The following KIAA0232 variants were observed in gnomAD, a reference collection of about 807,000 sequenced individuals.
KIAA0232 encodes KIAA0232.
Under a neutral mutation model 122.0 loss-of-function variants are expected in KIAA0232, and 27 were observed. That is an observed-to-expected ratio of 0.22 (90% CI 0.16 to 0.31). The LOEUF (loss-of-function observed/expected upper bound fraction) is 0.31. Ranked by LOEUF, KIAA0232 falls within the 10% of genes least tolerant of loss-of-function variation. The probability of loss-of-function intolerance (pLI) is 1.00; values close to 1 mark genes in which losing one functional copy is unlikely to be tolerated. For synonymous variants in KIAA0232, 613 were observed against 587.6 expected, an observed-to-expected ratio of 1.04 and a Z score of -0.63; for missense variants, 1,551 against 1,634.2, an observed-to-expected ratio of 0.95 and a Z score of 0.88.
In KIAA0232 at chr4:6,824,397, C is replaced by A; in HGVS notation, c.-57C>A. On this transcript the variant is annotated 5_prime_UTR_variant, in exon 3 of 10. Transcript: ENST00000307659. ...AGTGAAAATCCCCTCCAGATACCAA[C>A]AGAATATCAACTGCAGAAAATGCTT... 7.3e-7 allele frequency: 1 copy of A among 1,372,752 alleles called. No homozygotes were observed. Among genetic ancestry groups the A allele is most frequent in the Non-Finnish European group, 1.0e-6 (1 of 960,300 alleles). The allele number at this position is 1,372,752 out of a possible 1,614,324, so 85.0% of individuals were successfully genotyped here.
intron 6 of KIAA0232, among the ~76,000 whole-genome samples, chr4:6,859,876 T>C (rs1398304483): frequency 6.6e-6 from 1 of 152,208 alleles, no homozygotes; most frequent in Non-Finnish European, 1.5e-5. Context: ...AAATACTTTC[T>C]CATTTTCAAG....
At chr4:6,836,324 G>GT (rs1719265426) in intron 3 of KIAA0232, among the ~76,000 whole-genome samples, 1 of 144,048 alleles carries the variant, frequency 6.9e-6, no homozygotes, top group African/African-American at 2.6e-5. Context: ...TTGTTTGTTT[G>GT]TTTTTTGTTT....
At position 6,811,052 on chromosome 4, in the gene KIAA0232, A is replaced by G. The variant is rs149495986; in HGVS notation, c.-270+6446A>G. On this transcript the variant is annotated intron_variant, in intron 2 of 9. Transcript: ENST00000307659. Reference sequence around the variant, plus strand: ...GGAAAAGAGTATGGCGATTTCTTAAAGAACTGAAAATAGAATGAGCATTCA... The same window carrying G: ...GGAAAAGAGTATGGCGATTTCTTAAGGAACTGAAAATAGAATGAGCATTCA... 2.2e-4 allele frequency among the ~76,000 whole-genome samples: 33 copies of G among 152,374 alleles called. No individual in the cohort carries two copies. In the East Asian group the frequency reaches 6.4e-3, roughly 29 times the overall value.
chr4:6,837,941 G>C lies in KIAA0232; in HGVS notation c.232-4126G>C, dbSNP rs185351085. On this transcript the variant is annotated intron_variant, in intron 3 of 9. Transcript: ENST00000307659. ...GGGGAGGGGGAGGGAGAGGGAGAGG[G>C]AGAGGCAGAGGCGGTTGTTTGTTTT... Among the ~76,000 whole-genome samples, 651 of 152,116 alleles carry C rather than the reference G, an allele frequency of 4.3e-3. 6 individuals carry two copies. Among genetic ancestry groups the C allele is most frequent in the African/African-American group, 0.015 (609 of 41,474 alleles).
chr4:6,792,761 C>T (rs945380736), intron 1 of KIAA0232, among the ~76,000 whole-genome samples: 2 of 147,956 alleles, frequency 1.4e-5, no homozygotes, highest in Non-Finnish European at 3.0e-5. Flanking sequence ...ATCATCTTGG[C>T]TCACTGCAAG....
At chr4:6,818,969 A>G (rs1718281631) in intron 2 of KIAA0232, among the ~76,000 whole-genome samples, 1 of 152,168 alleles carries the variant, frequency 6.6e-6, no homozygotes, top group African/African-American at 2.4e-5. Context: ...AAAAATAAGC[A>G]ACAGGAAAAG....
intron 1 of KIAA0232, among the ~76,000 whole-genome samples, chr4:6,799,037 A>G (rs1042241816): frequency 6.6e-6 from 1 of 152,142 alleles, no homozygotes; most frequent in Non-Finnish European, 1.5e-5. Flanking sequence ...CCAGAAGTCC[A>G]AAATCCAAGT....
chr4:6,837,134 C>T (rs1451979190), intron 3 of KIAA0232, among the ~76,000 whole-genome samples: 4 of 150,004 alleles, frequency 2.7e-5, no homozygotes, highest in African/African-American at 9.9e-5. Context: ...CGGGCGGGGG[C>T]TGCCCCCCAC....
At chr4:6,799,793 C>G (rs1379362182) in intron 1 of KIAA0232, among the ~76,000 whole-genome samples, 1 of 152,012 alleles carries the variant, frequency 6.6e-6, no homozygotes, top group Non-Finnish European at 1.5e-5. Context: ...CTCCTGGGTT[C>G]AAGCGATTCT....
At chr4:6,827,355 A>C (rs1351270536) in intron 3 of KIAA0232, among the ~76,000 whole-genome samples, 1 of 152,200 alleles carries the variant, frequency 6.6e-6, no homozygotes, top group Non-Finnish European at 1.5e-5. Context: ...TCTTCTAGCA[A>C]GAGTAAGGAG....
intron 7 of KIAA0232, among the ~76,000 whole-genome samples, chr4:6,869,077 C>T (rs1310418416): frequency 2.0e-5 from 3 of 152,106 alleles, no homozygotes; most frequent in African/African-American, 2.4e-5. Flanking sequence ...AAGACGTGGT[C>T]CCGCCCCTCA....
At chr4:6,823,851 T>C (rs544849308) in intron 2 of KIAA0232, among the ~76,000 whole-genome samples, 6 of 152,286 alleles carry the variant, frequency 3.9e-5, no homozygotes, top group African/African-American at 7.2e-5. Flanking sequence ...TAAAAATTTA[T>C]TTATAAAGAC....
At chr4:6,837,860 G>A (rs1354536660) in intron 3 of KIAA0232, among the ~76,000 whole-genome samples, 1 of 152,098 alleles carries the variant, frequency 6.6e-6, no homozygotes, top group Non-Finnish European at 1.5e-5. Flanking sequence ...CCGAGATGGC[G>A]GCAGCACAGT....
At chr4:6,816,387 A>G (rs1481749977) in intron 2 of KIAA0232, among the ~76,000 whole-genome samples, 2 of 150,054 alleles carry the variant, frequency 1.3e-5, no homozygotes, top group Non-Finnish European at 3.0e-5. Context: ...GGTTCACGCC[A>G]TTCTCCTGCC....
chr4:6,783,084 G>C (rs1431249943), intron 1 of KIAA0232, among the ~76,000 whole-genome samples: 2 of 151,536 alleles, frequency 1.3e-5, no homozygotes, highest in Non-Finnish European at 2.9e-5. Flanking sequence ...GAGGGAGACC[G>C]GGCCGCCGCC....
In KIAA0232 at chr4:6,871,639, A is replaced by G; in HGVS notation, c.3867A>G (p.Glu1289=). The change falls in exon 8 of 10, where the codon GAA becomes GAG. Residue 1289 remains glutamate (E), a synonymous_variant. Transcript: ENST00000307659. ...NRSQEKQTWW[E]KALYSPLFPA... is the part of the protein sequence containing the mutation. Reference sequence around the variant, plus strand: ...GTCAAGAAAAACAGACCTGGTGGGAAAAAGCCTTGTACTCTCCTCTTTTTC... The same window carrying G: ...GTCAAGAAAAACAGACCTGGTGGGAGAAAGCCTTGTACTCTCCTCTTTTTC... 6.2e-7 allele frequency: 1 copy of G among 1,612,848 alleles called. No homozygotes were observed. The highest frequency in any genetic ancestry group is 8.5e-7 in the Non-Finnish European group (1 of 1,178,790).
At chr4:6,813,351 G>GTTTTTTT (rs539648260) in intron 2 of KIAA0232, among the ~76,000 whole-genome samples, 4 of 140,700 alleles carry the variant, frequency 2.8e-5, no homozygotes, top group Non-Finnish European at 3.1e-5. Flanking sequence ...ACTTAGATCT[G>GTTTTTTT]TTTTTTTTTT....
intron 4 of KIAA0232, among the ~76,000 whole-genome samples, chr4:6,851,494 GC>G (rs1295513801): frequency 4.6e-5 from 7 of 151,980 alleles, no homozygotes; most frequent in Non-Finnish European, 4.4e-5. Context: ...GGTTGCTTGA[GC>G]CTGGCAGTTT....
rs1186013065 is a variant in KIAA0232, at chr4:6,882,625, G to GT, written c.*1659_*1660insT. On this transcript the variant is annotated 3_prime_UTR_variant, in exon 10 of 10. Transcript: ENST00000307659. ...ATTTTTTGACACTTTAAGGTGGGTG[G>GT]GTGTGTGTGTGTGTGTGTGTGTGCG... 4.2e-4 allele frequency: 63 copies of GT among 150,656 alleles called. No homozygotes were observed. Among genetic ancestry groups the GT allele is most frequent in the African/African-American group, 1.5e-3 (60 of 40,838 alleles). 9.3% of individuals were successfully genotyped at this position (150,656 alleles called of 1,614,324 possible). A position where few individuals can be genotyped will look rare whatever the true frequency, so the allele number is the denominator to read the frequency against.
Sources: allele counts gnomAD v4.1 joint callset (sites outside exome capture counted in the v4.1 genomes callset), GRCh38; gene constraint gnomAD v4.1.1; transcripts MANE v1.5; gene names NCBI Gene and HGNC (gene_info 2026-07-23, HGNC 2026-07-21).